PID1: variants seen among roughly 807,000 people sequenced by gnomAD.
PID1 encodes phosphotyrosine interaction domain containing 1.
A neutral mutation model predicts 19.1 loss-of-function variants in PID1; 10 were observed. That is an observed-to-expected ratio of 0.52 (90% CI 0.32 to 0.89). PID1 has a LOEUF of 0.89. Among genes scored for constraint, PID1 ranks in the 40% least tolerant of loss-of-function variants. The pLI is 0.03. For synonymous variants in PID1, 130 were observed against 116.0 expected, an observed-to-expected ratio of 1.12 and a Z score of -0.78; for missense variants, 248 against 285.3, an observed-to-expected ratio of 0.87 and a Z score of 0.94.
chr2:229,067,155 A>G lies in PID1; in HGVS notation c.178-41047T>C, dbSNP rs923502820. Among the ~76,000 whole-genome samples the G allele has an allele frequency of 2.0e-4, 30 of 152,200 alleles. No individual in the cohort carries two copies. The East Asian group carries it at 5.1e-3, about 26-fold the overall frequency. The stretch of plus-strand genomic sequence containing the variant: ...AGCAAAAAGGGGAAAATCCCCTTAC[A>G]AAACCATTAGCTCTCATAAGACCTC... On this transcript the variant is annotated intron_variant, in intron 2 of 2. Transcript: ENST00000392055.
intron 2 of PID1, among the ~76,000 whole-genome samples, chr2:229,067,430 TG>T (rs1346661405): frequency 6.6e-6 from 1 of 152,142 alleles, no homozygotes; most frequent in Non-Finnish European, 1.5e-5. Context: ...AGGGAGAGGA[TG>T]GGGGGAATGT....
intron 1 of PID1, among the ~76,000 whole-genome samples, chr2:229,234,070 A>G (rs191025477): frequency 9.0e-4 from 137 of 152,322 alleles, no homozygotes; most frequent in African/African-American, 3.1e-3. Context: ...CTGTGGGGAA[A>G]GGCCAGCATG....
chr2:229,219,712 T>A (rs1271437993), intron 1 of PID1, among the ~76,000 whole-genome samples: 1 of 151,976 alleles, frequency 6.6e-6, no homozygotes, highest in African/African-American at 2.4e-5. Flanking sequence ...AATTTTTTTT[T>A]ATTTTTCATA....
At chr2:229,114,825 A>G (rs1366534343) in intron 2 of PID1, among the ~76,000 whole-genome samples, 1 of 152,196 alleles carries the variant, frequency 6.6e-6, no homozygotes, top group Non-Finnish European at 1.5e-5. Context: ...CCTGTGTCTT[A>G]TGAAGCTCTA....
intron 1 of PID1, among the ~76,000 whole-genome samples, chr2:229,167,650 A>C (rs1000622155): frequency 6.6e-6 from 1 of 152,218 alleles, no homozygotes; most frequent in Non-Finnish European, 1.5e-5. Context: ...CATATACCTC[A>C]TAAAAAAGCA....
chr2:229,232,107 C>T (rs1692223432), intron 1 of PID1: 1 of 1,479,552 alleles, frequency 6.8e-7, no homozygotes, highest in South Asian at 1.4e-5. Context: ...GGGGAGGAGC[C>T]CTGATGACTT....
chr2:229,037,299 C>A (rs1052559416), intron 2 of PID1, among the ~76,000 whole-genome samples: 3 of 152,016 alleles, frequency 2.0e-5, no homozygotes, highest in African/African-American at 7.2e-5. Flanking sequence ...TTTACCAAGA[C>A]CCAATATCAA....
At chr2:229,041,824 G>T (rs191079593) in intron 2 of PID1, among the ~76,000 whole-genome samples, 1 of 151,846 alleles carries the variant, frequency 6.6e-6, no homozygotes, top group East Asian at 1.9e-4. Context: ...AAATGGAAGG[G>T]CATTGCTTAA....
At chr2:229,054,832 T>C (rs1459611723) in intron 2 of PID1, among the ~76,000 whole-genome samples, 1 of 152,002 alleles carries the variant, frequency 6.6e-6, no homozygotes, top group Non-Finnish European at 1.5e-5. Context: ...CAGCATCTGC[T>C]TGGCTCCCTC....
At chr2:229,149,934 G>C (rs1488064353) in intron 2 of PID1, among the ~76,000 whole-genome samples, 1 of 152,060 alleles carries the variant, frequency 6.6e-6, no homozygotes, top group Non-Finnish European at 1.5e-5. Context: ...AAAGGAAGGG[G>C]AGCACAAAGA....
At position 229,067,971 on chromosome 2, in the gene PID1, A is replaced by C. The variant is rs570137856; in HGVS notation, c.178-41863T>G. ...TTCCAAAGCTTTCCTTGAAGTCTCC[A>C]AGAGGTCTCCATTCTCTGTACTCAT... On this transcript the variant is annotated intron_variant, in intron 2 of 2. Coordinates refer to ENST00000392055, the MANE Select transcript of PID1 (RefSeq NM_001100818.2). Among the ~76,000 whole-genome samples, 3 of 152,280 alleles carry C rather than the reference A, an allele frequency of 2.0e-5. No individual in the cohort carries two copies. The East Asian group carries it at 5.8e-4, about 29-fold the overall frequency.
chr2:229,042,452 T>C (rs375541249), intron 2 of PID1, among the ~76,000 whole-genome samples: 1 of 152,176 alleles, frequency 6.6e-6, no homozygotes, highest in East Asian at 1.9e-4. Flanking sequence ...AAATTTAAGA[T>C]ATATTCAAAA....
At chr2:229,185,515 A>T (rs1691110162) in intron 1 of PID1, among the ~76,000 whole-genome samples, 2 of 152,200 alleles carry the variant, frequency 1.3e-5, no homozygotes, top group South Asian at 4.1e-4. Flanking sequence ...ACAGTTATAC[A>T]TGGCTGGGGA....
chr2:229,092,677 T>C (rs995015592), intron 2 of PID1, among the ~76,000 whole-genome samples: 1 of 152,184 alleles, frequency 6.6e-6, no homozygotes, highest in Non-Finnish European at 1.5e-5. Context: ...CACAGGCACC[T>C]TTGGCTCACA....
At chr2:229,256,681 C>T (rs1205650630) in intron 1 of PID1, among the ~76,000 whole-genome samples, 4 of 152,294 alleles carry the variant, frequency 2.6e-5, no homozygotes, top group Non-Finnish European at 5.9e-5. Context: ...AAACAGCAAA[C>T]CTCTATTATT....
At chr2:229,213,582 A>G (rs1435879355) in intron 1 of PID1, among the ~76,000 whole-genome samples, 1 of 152,236 alleles carries the variant, frequency 6.6e-6, no homozygotes, top group East Asian at 1.9e-4. Context: ...AATTCTTCCA[A>G]GCAGTTTCTC....
intron 2 of PID1, among the ~76,000 whole-genome samples, chr2:229,098,251 A>G (rs1243657916): frequency 6.6e-6 from 1 of 152,194 alleles, no homozygotes; most frequent in Non-Finnish European, 1.5e-5. Flanking sequence ...TCATGTCCTT[A>G]TTTGTAAAAT....
chr2:229,121,196 G>C (rs1352248373), intron 2 of PID1, among the ~76,000 whole-genome samples: 2 of 152,096 alleles, frequency 1.3e-5, no homozygotes, highest in Non-Finnish European at 2.9e-5. Flanking sequence ...ATAGAATATA[G>C]AGCCACCTGT....
At chr2:229,105,299 C>T (rs1432782774) in intron 2 of PID1, among the ~76,000 whole-genome samples, 10 of 152,160 alleles carry the variant, frequency 6.6e-5, no homozygotes, top group Admixed American at 3.9e-4. Flanking sequence ...GGAAAGGAAG[C>T]GGCCCATCCT....
Sources: allele counts gnomAD v4.1 joint callset (sites outside exome capture counted in the v4.1 genomes callset), GRCh38; gene constraint gnomAD v4.1.1; transcripts MANE v1.5; gene names NCBI Gene and HGNC (gene_info 2026-07-23, HGNC 2026-07-21).